BIRC6: variants seen among roughly 807,000 people sequenced by gnomAD.
BIRC6 encodes the protein baculoviral IAP repeat containing 6.
A neutral mutation model predicts 503.3 loss-of-function variants in BIRC6; 98 were observed. That is an observed-to-expected ratio of 0.19 (90% CI 0.17 to 0.23). The LOEUF is 0.23. BIRC6 is among the 10% of genes least tolerant of loss of function. The pLI is 1.00. For synonymous variants in BIRC6, 2,240 were observed against 2,078.7 expected (o/e 1.08, Z -2.11); for missense variants, 5,360 against 5,806.0 (o/e 0.92, Z 2.50).
At chr2:32,432,494 C>T (rs1344251427) in intron 12 of BIRC6, among the ~76,000 whole-genome samples, 1 of 152,094 alleles carries the variant, frequency 6.6e-6, no homozygotes, top group Non-Finnish European at 1.5e-5. Flanking sequence ...TGGTGGCTCA[C>T]ATCTGTAATC....
chr2:32,388,670 A>T (rs976176865), intron 3 of BIRC6, 80 bp from the exon 4 acceptor site: 1 of 1,056,212 alleles, frequency 9.5e-7, no homozygotes, highest in African/African-American at 1.6e-5. Context: ...AGTGTTCTTT[A>T]TTTGATAATG....
intron 1 of BIRC6, among the ~76,000 whole-genome samples, chr2:32,375,095 G>A (rs1426438901): frequency 6.6e-6 from 1 of 152,080 alleles, no homozygotes; most frequent in African/African-American, 2.4e-5. Context: ...GTATGTTTTA[G>A]AGCTATTGTA....
chr2:32,442,024 T>C (rs1269143909), intron 17 of BIRC6, 41 bp from the exon 18 acceptor site: 1 of 1,397,582 alleles, frequency 7.2e-7, no homozygotes, highest in East Asian at 2.4e-5. Flanking sequence ...TTAGTTGTTC[T>C]GTTTTGTTTG....
intron 10 of BIRC6, among the ~76,000 whole-genome samples, chr2:32,420,343 A>T (rs2150101307): frequency 6.6e-6 from 1 of 151,628 alleles, no homozygotes; most frequent in East Asian, 1.9e-4. Flanking sequence ...GGGCCCAGAG[A>T]TTTTTTTTAG....
intron 1 of BIRC6, among the ~76,000 whole-genome samples, chr2:32,374,835 G>A (rs2036511605): frequency 6.6e-6 from 1 of 152,066 alleles, no homozygotes; most frequent in Non-Finnish European, 1.5e-5. Flanking sequence ...CAAACTCCTG[G>A]CTCAAGCGAT....
intron 33 of BIRC6, among the ~76,000 whole-genome samples, chr2:32,473,447 C>G (rs1234140307): frequency 6.6e-6 from 1 of 152,120 alleles, no homozygotes; most frequent in Non-Finnish European, 1.5e-5. Context: ...GTTCCTTTAA[C>G]ATTTACTGTT....
At chr2:32,509,675 T>G in intron 51 of BIRC6, 63 bp from the exon 52 acceptor site, 1 of 1,572,636 alleles carries the variant, frequency 6.4e-7, no homozygotes, top group African/African-American at 1.4e-5. Context: ...TAAAAAGTTA[T>G]GTTCTACCCC....
chr2:32,401,050 A>T, intron 6 of BIRC6, 113 bp from the exon 7 acceptor site: 1 of 854,998 alleles, frequency 1.2e-6, no homozygotes, highest in Non-Finnish European at 1.8e-6. Flanking sequence ...GTCTTTAATG[A>T]TGAATACTTT....
intron 61 of BIRC6, among the ~76,000 whole-genome samples, chr2:32,535,567 G>A (rs948532995): frequency 4.6e-5 from 7 of 151,806 alleles, no homozygotes; most frequent in South Asian, 2.1e-4. Context: ...TGGTTTTTTC[G>A]TCCTTGCGAT....
chr2:32,460,993 CTCTGCTCTCTTCTCTTCTCT>C (rs1385420624), intron 23 of BIRC6, among the ~76,000 whole-genome samples: 75 of 139,046 alleles, frequency 5.4e-4, no homozygotes, highest in Non-Finnish European at 7.3e-4. Flanking sequence ...CTCTGCTCTG[CTCTGCTCTCTTCTCTTCTCT>C]TCTCTTCTCT....
intron 30 of BIRC6, 71 bp downstream of exon 30, chr2:32,469,685 G>C (rs1290782355): frequency 2.3e-6 from 3 of 1,311,384 alleles, no homozygotes; most frequent in African/African-American, 3.0e-5. Flanking sequence ...GTTAGCTTTT[G>C]AAATCTTTGA....
At chr2:32,506,532 A>T (rs1043598915) in intron 50 of BIRC6, among the ~76,000 whole-genome samples, 5 of 152,232 alleles carry the variant, frequency 3.3e-5, no homozygotes, top group Non-Finnish European at 7.3e-5. Flanking sequence ...TTGGAAAGAG[A>T]TTGCTTTTAT....
Position 32,365,382 on chromosome 2 carries a change from C to T in BIRC6, c.325+7896C>T, listed in dbSNP as rs1325602691. On this transcript the variant is annotated intron_variant, in intron 1 of 73. Transcript: ENST00000421745. Reference sequence around the variant, plus strand: ...TCGCCCAGGCTGGAGTGCAATGGCGCGATCTCAGCTCACTGCAACCTCCGC... The same window carrying T: ...TCGCCCAGGCTGGAGTGCAATGGCGTGATCTCAGCTCACTGCAACCTCCGC... Among the ~76,000 whole-genome samples, 6 of 149,186 alleles carry T rather than the reference C, an allele frequency of 4.0e-5. 1 individual carries two copies. Among genetic ancestry groups the T allele is most frequent in the Admixed American group, 4.0e-4 (6 of 14,966 alleles).
chr2:32,408,587 C>T (rs1488020976), intron 9 of BIRC6, among the ~76,000 whole-genome samples: 4 of 152,112 alleles, frequency 2.6e-5, no homozygotes, highest in Admixed American at 2.6e-4. Flanking sequence ...GATCTCAGTA[C>T]ATGTTTTTAC....
rs537385082 is a variant in BIRC6, at chr2:32,378,328, C to T, written c.507+559C>T. Among the ~76,000 whole-genome samples the T allele has an allele frequency of 2.6e-5, 4 of 152,184 alleles. No homozygotes were observed. The East Asian group carries it at 7.7e-4, about 29-fold the overall frequency. On this transcript the variant is annotated intron_variant, in intron 2 of 73. Coordinates refer to ENST00000421745, the MANE Select transcript of BIRC6 (RefSeq NM_016252.4). Reference sequence around the variant, plus strand: ...ACTCTCTCATATAGCCTCATATTTACCCCATTAGACAGAATTTAGTCACAT... The same window carrying T: ...ACTCTCTCATATAGCCTCATATTTATCCCATTAGACAGAATTTAGTCACAT...
intron 6 of BIRC6, among the ~76,000 whole-genome samples, chr2:32,399,739 C>G (rs1254778960): frequency 1.3e-5 from 2 of 151,930 alleles, no homozygotes; most frequent in Non-Finnish European, 2.9e-5. Flanking sequence ...TTATACCAGT[C>G]TTGATATGAG....
intron 3 of BIRC6, among the ~76,000 whole-genome samples, chr2:32,383,380 T>C (rs1573815535): frequency 6.6e-6 from 1 of 152,200 alleles, no homozygotes; most frequent in East Asian, 1.9e-4. Context: ...AGAGGATGTA[T>C]AATAGTCAAG....
At chr2:32,451,074 T>A (rs1231330763) in intron 22 of BIRC6, among the ~76,000 whole-genome samples, 1 of 152,180 alleles carries the variant, frequency 6.6e-6, no homozygotes, top group East Asian at 1.9e-4. Flanking sequence ...GAACCCATAC[T>A]ACAATCATAG....
chr2:32,599,021 CAAAAAA>C (rs35744882), intron 69 of BIRC6, among the ~76,000 whole-genome samples: 1 of 27,812 alleles, frequency 3.6e-5, no homozygotes, highest in Non-Finnish European at 6.3e-5. Context: ...AACTCCATCT[CAAAAAA>C]AAAAAAAAAA....
Sources: gnomAD v4.1 joint callset for allele counts (sites outside exome capture counted in the v4.1 genomes callset) on GRCh38, gnomAD v4.1.1 for gene constraint, MANE v1.5 for transcripts, NCBI Gene and HGNC (gene_info 2026-07-23, HGNC 2026-07-21) for gene names.